The following CRPPA variants were observed in gnomAD, a reference collection of about 807,000 sequenced individuals.
The protein encoded by CRPPA is D-ribitol-5-phosphate cytidylyltransferase.
A neutral mutation model predicts 52.0 loss-of-function variants in CRPPA; 43 were observed. The observed-to-expected ratio is 0.83, with a 90% CI of 0.65 to 1.07. CRPPA has a LOEUF of 1.07. CRPPA is among the 50% of genes least tolerant of loss of function. The probability of loss-of-function intolerance (pLI) is 0.00; values close to 1 mark genes in which losing one functional copy is unlikely to be tolerated. For missense variants in CRPPA, 629 were observed against 551.7 expected, an observed-to-expected ratio of 1.14 and a Z score of -1.40; for synonymous variants, 250 against 203.5, an observed-to-expected ratio of 1.23 and a Z score of -1.94.
chr7:16,228,108 C>T (rs1222768876), intron 8 of CRPPA, among the ~76,000 whole-genome samples: 2 of 151,802 alleles, frequency 1.3e-5, no homozygotes, highest in African/African-American at 4.8e-5. Context: ...TATTTATATA[C>T]CAGTACTATG....
chr7:16,092,663 T>C (rs1472319035), intron 9 of CRPPA, among the ~76,000 whole-genome samples: 1 of 152,184 alleles, frequency 6.6e-6, no homozygotes. Context: ...TGCCCTCTTA[T>C]ACTTCATTTC....
At chr7:16,175,012 G>C (rs1163697182) in intron 9 of CRPPA, among the ~76,000 whole-genome samples, 1 of 152,104 alleles carries the variant, frequency 6.6e-6, no homozygotes, top group African/African-American at 2.4e-5. Flanking sequence ...GTTGGTTTTT[G>C]AGCAACATCT....
chr7:16,286,097 A>ATATATAT (rs1554309941), intron 5 of CRPPA, among the ~76,000 whole-genome samples: 974 of 39,028 alleles, frequency 0.025, 120 homozygotes, highest in Non-Finnish European at 0.032. Flanking sequence ...TAAAAAAAAA[A>ATATATAT]ATATATATAT....
Position 16,305,585 on chromosome 7 carries a change from G to A in CRPPA, c.789+2938C>T, listed in dbSNP as rs867845836. On this transcript the variant is annotated intron_variant, in intron 4 of 9. Coordinates refer to ENST00000407010, the MANE Select transcript of CRPPA (RefSeq NM_001101426.4). ...ACTTCAAACAACAGAAATTTGGCTGGGCGTGGTGGTGGTGGGTCACGCCTG... is the reference window on the plus strand; with the variant it reads ...ACTTCAAACAACAGAAATTTGGCTGAGCGTGGTGGTGGTGGGTCACGCCTG... 7.0e-3 allele frequency among the ~76,000 whole-genome samples: 1,069 copies of A among 152,230 alleles called. 16 individuals are homozygous for A. Among genetic ancestry groups the A allele is most frequent in the African/African-American group, 0.025 (1,044 of 41,528 alleles).
chr7:16,322,463 C>T (rs1201539004), intron 3 of CRPPA, among the ~76,000 whole-genome samples: 1 of 152,112 alleles, frequency 6.6e-6, no homozygotes, highest in East Asian at 1.9e-4. Context: ...CAGAATATGA[C>T]AGCCTAGAAA....
In CRPPA at chr7:16,215,078, T is replaced by A. The variant is rs1047782978; in HGVS notation, c.1251+988A>T. ...AAGGGATTAGCTAAAAGATGGTCCT[T>A]ATATTTAATTAAAATGTATAGTTTC... On this transcript the variant is annotated intron_variant, in intron 9 of 9. Transcript: ENST00000407010. Among the ~76,000 whole-genome samples, 3 of 152,340 alleles carry A rather than the reference T, an allele frequency of 2.0e-5. No individual in the cohort carries two copies. The East Asian group carries it at 5.8e-4, about 29-fold the overall frequency.
chr7:16,175,525 A>C (rs1781276217), intron 9 of CRPPA, among the ~76,000 whole-genome samples: 1 of 152,152 alleles, frequency 6.6e-6, no homozygotes, highest in Non-Finnish European at 1.5e-5. Context: ...ACTCTTCTCC[A>C]TCTTGTGTCG....
chr7:16,245,036 A>G (rs901327683), intron 8 of CRPPA, among the ~76,000 whole-genome samples: 2 of 151,298 alleles, frequency 1.3e-5, no homozygotes. Flanking sequence ...TTTTAACAAA[A>G]GTCTTACATT....
chr7:16,114,558 A>C (rs1353111714), intron 9 of CRPPA, among the ~76,000 whole-genome samples: 1 of 152,118 alleles, frequency 6.6e-6, no homozygotes, highest in Non-Finnish European at 1.5e-5. Context: ...CTTAAATGTG[A>C]AAATACTAAA....
At chr7:16,283,287 TCTAC>T (rs144744387) in intron 5 of CRPPA, among the ~76,000 whole-genome samples, 31,304 of 150,152 alleles carry the variant, frequency 0.21, 3,708 homozygotes, top group Non-Finnish European at 0.27. Context: ...TCTATAGAGA[TCTAC>T]CTATTCATAC....
At chr7:16,265,604 T>C (rs1018225547) in intron 6 of CRPPA, among the ~76,000 whole-genome samples, 2 of 152,222 alleles carry the variant, frequency 1.3e-5, no homozygotes, top group African/African-American at 4.8e-5. Context: ...GTAGCATTCA[T>C]GTTTTGGGTC....
chr7:16,150,155 T>C (rs1490491353), intron 9 of CRPPA, among the ~76,000 whole-genome samples: 1 of 152,188 alleles, frequency 6.6e-6, no homozygotes, highest in African/African-American at 2.4e-5. Context: ...TTTATTCTTA[T>C]AATTGAACAA....
intron 1 of CRPPA, among the ~76,000 whole-genome samples, chr7:16,420,315 C>A (rs1016199313): frequency 3.3e-5 from 5 of 152,180 alleles, no homozygotes; most frequent in Admixed American, 6.5e-5. Flanking sequence ...GCTTCCCACC[C>A]CTGCACCCTC....
chr7:16,158,041 A>ATTTT lies in CRPPA; in HGVS notation c.1251+58021_1251+58024dup, dbSNP rs750989831. Among the ~76,000 whole-genome samples, 4 of 136,766 alleles carry ATTTT rather than the reference A, an allele frequency of 2.9e-5. No homozygotes were observed. In the South Asian group the frequency reaches 9.5e-4, roughly 32 times the overall value. 89.7% of individuals were successfully genotyped at this position (136,766 alleles called of 152,430 possible). ...AGGCACGTGCCACCACGCCCAGCTA[A>ATTTT]TTTTTTTTTTTTTTTTTGTATTTTA... On this transcript the variant is annotated intron_variant, in intron 9 of 9. Transcript: ENST00000407010.
At chr7:16,137,124 G>T (rs773361214) in intron 9 of CRPPA, among the ~76,000 whole-genome samples, 3 of 152,228 alleles carry the variant, frequency 2.0e-5, no homozygotes, top group Non-Finnish European at 4.4e-5. Context: ...CCAGAGGCAG[G>T]ACCTTTGGAA....
At chr7:16,172,325 C>A (rs1781206946) in intron 9 of CRPPA, among the ~76,000 whole-genome samples, 1 of 152,020 alleles carries the variant, frequency 6.6e-6, no homozygotes, top group Non-Finnish European at 1.5e-5. Context: ...GGGTGGGCTC[C>A]ATCCTCACAG....
chr7:16,096,804 G>C (rs1463848565), intron 9 of CRPPA, among the ~76,000 whole-genome samples: 1 of 152,098 alleles, frequency 6.6e-6, no homozygotes, highest in Non-Finnish European at 1.5e-5. Context: ...AGCTAAAAAG[G>C]GGGAAAACAG....
At chr7:16,235,692 G>C (rs892744700) in intron 8 of CRPPA, among the ~76,000 whole-genome samples, 1 of 152,036 alleles carries the variant, frequency 6.6e-6, no homozygotes, top group African/African-American at 2.4e-5. Flanking sequence ...CTTAGAGCCA[G>C]GCAAAGAAAG....
At chr7:16,122,804 A>T (rs909090801) in intron 9 of CRPPA, among the ~76,000 whole-genome samples, 2 of 152,114 alleles carry the variant, frequency 1.3e-5, no homozygotes, top group Non-Finnish European at 2.9e-5. Flanking sequence ...TTGGTATGGA[A>T]GAAGCCGGAG....
Sources: gnomAD v4.1 joint callset for allele counts (sites outside exome capture counted in the v4.1 genomes callset) on GRCh38, gnomAD v4.1.1 for gene constraint, MANE v1.5 for transcripts, NCBI Gene and HGNC (gene_info 2026-07-23, HGNC 2026-07-21) for gene names.